The following PRR19 variants were observed in gnomAD, a reference collection of about 807,000 sequenced individuals.
PRR19 encodes proline-rich protein 19.
PRR19 carries 9 observed loss-of-function variants against 19.2 expected under a neutral mutation model. That is an observed-to-expected ratio of 0.47 (90% CI 0.28 to 0.82). The LOEUF (loss-of-function observed/expected upper bound fraction) is 0.82, where lower values mean the gene tolerates loss of function less well. Ranked by LOEUF, PRR19 falls within the 40% of genes least tolerant of loss-of-function variation. PRR19 has a pLI of 0.11. For synonymous variants in PRR19, 190 were observed against 191.0 expected (o/e 0.99, Z 0.04); for missense variants, 457 against 466.0 (o/e 0.98, Z 0.18).
In PRR19 at chr19:42,310,547, C is replaced by A; in HGVS notation, c.878C>A (p.Ala293Asp). 1.2e-6 allele frequency: 2 copies of A among 1,614,186 alleles called. No homozygotes were observed. The highest frequency in any genetic ancestry group is 3.3e-4 in the Middle Eastern group (2 of 6,062). ...FDLLKSIWLV[A>D]TPPPPRPWGV... ...TTGTTAAAAAGCATCTGGCTGGTAG[C>A]CACGCCACCCCCTCCTCGGCCCTGG... Residue 293 changes from alanine to aspartate, a missense_variant, in exon 3 of 3, where the codon GCC (alanine) becomes GAC (aspartate). Physicochemically the swap from Ala to Asp is moderately radical, Grantham distance 126. Transcript: ENST00000341747.
At chr19:42,306,094 T>C (rs1054315668) in intron 1 of PRR19, among the ~76,000 whole-genome samples, 3 of 152,182 alleles carry the variant, frequency 2.0e-5, no homozygotes, top group Non-Finnish European at 2.9e-5. Context: ...TGATCATGGC[T>C]CACTGCTGCC....
chr19:42,304,736 C>T (rs531093575), intron 1 of PRR19, among the ~76,000 whole-genome samples: 18 of 122,384 alleles, frequency 1.5e-4, no homozygotes, highest in Non-Finnish European at 2.2e-4. Flanking sequence ...GGAGACAGAG[C>T]GAGACGCCGT....
intron 1 of PRR19, among the ~76,000 whole-genome samples, chr19:42,307,378 C>T (rs995740371): frequency 4.6e-5 from 7 of 152,080 alleles, no homozygotes; most frequent in Admixed American, 1.3e-4. Context: ...ACTTTCTGGT[C>T]CCCCAAATCC....
At position 42,310,511 on chromosome 19, in the gene PRR19, C is replaced by T. The variant is rs2038781853; in HGVS notation, c.842C>T (p.Thr281Ile). 1 of 1,614,244 alleles carries T rather than the reference C, an allele frequency of 6.2e-7. No homozygotes were observed. Among genetic ancestry groups the T allele is most frequent in the Non-Finnish European group, 8.5e-7 (1 of 1,180,040 alleles). Reference sequence around the variant, plus strand: ...TCTGGAACAGCCTGGGGTCCCCCAACAGCGTTTGACTTGTTAAAAAGCATC... The same window carrying T: ...TCTGGAACAGCCTGGGGTCCCCCAATAGCGTTTGACTTGTTAAAAAGCATC... ...SPSGTAWGPP[T>I]AFDLLKSIWL... The change falls in exon 3 of 3, where the codon ACA becomes ATA. Residue 281 changes from threonine (T) to isoleucine (I), a missense_variant. Transcript: ENST00000341747.
chr19:42,304,231 A>C (rs1219901892), intron 1 of PRR19, among the ~76,000 whole-genome samples: 1 of 151,912 alleles, frequency 6.6e-6, no homozygotes, highest in Non-Finnish European at 1.5e-5. Context: ...CAGTGAGCTG[A>C]GATCGCGCCA....
intron 1 of PRR19, 53 bp downstream of exon 1, chr19:42,302,556 C>T: frequency 2.2e-6 from 1 of 460,194 alleles, no homozygotes; most frequent in Non-Finnish European, 3.9e-6. Context: ...ACAGTGGGCT[C>T]GCCCGGCGCT....
rs2038784136 is a variant in PRR19, at chr19:42,310,590, G to T, written c.921G>T (p.Gln307His). Residue 307 changes from glutamine (Q) to histidine (H), a missense_variant, in exon 3 of 3, where the codon CAG becomes CAT. Coordinates refer to ENST00000341747, the MANE Select transcript of PRR19 (RefSeq NM_199285.3). ...PPRPWGVGLP[Q>H]PLPQPSSPLL... Reference sequence around the variant, plus strand: ...GGCCCTGGGGGGTTGGCCTCCCTCAGCCCCTGCCTCAGCCTTCATCACCCC... The same window carrying T: ...GGCCCTGGGGGGTTGGCCTCCCTCATCCCCTGCCTCAGCCTTCATCACCCC... 1 of 1,614,046 alleles carries T rather than the reference G, an allele frequency of 6.2e-7. No homozygotes were observed. The highest frequency in any genetic ancestry group is 1.3e-5 in the African/African-American group (1 of 75,034).
intron 1 of PRR19, among the ~76,000 whole-genome samples, chr19:42,303,064 G>T (rs1001438251): frequency 5.2e-5 from 7 of 134,036 alleles, no homozygotes; most frequent in East Asian, 2.2e-4. Context: ...AAACACCGTG[G>T]GTGTGTGTGT....
chr19:42,308,020 G>A (rs1053541061), intron 1 of PRR19, among the ~76,000 whole-genome samples: 1 of 151,710 alleles, frequency 6.6e-6, no homozygotes, highest in African/African-American at 2.4e-5. Context: ...GCCTCCCAAA[G>A]TGCTGGGATT....
Position 42,309,590 on chromosome 19 carries a change from T to C in PRR19, c.6T>C (p.Asp2=). The C allele has an allele frequency of 6.6e-7, 1 of 1,519,346 alleles. No homozygotes were observed. The highest frequency in any genetic ancestry group is 8.8e-7 in the Non-Finnish European group (1 of 1,132,202). 94.1% of individuals were successfully genotyped at this position (1,519,346 alleles called of 1,614,324 possible). M[D]TQGPVSQPFQ... ...TCTTTATATTCCAGGACACCATGGATACCCAGGGACCAGTCTCCCAGCCTT... is the reference window on the plus strand; with the variant it reads ...TCTTTATATTCCAGGACACCATGGACACCCAGGGACCAGTCTCCCAGCCTT... The change falls in exon 2 of 3, where the codon GAT becomes GAC. Residue 2 remains aspartate, a synonymous_variant. Transcript: ENST00000341747.
Position 42,307,845 on chromosome 19 carries a change from C to T in PRR19, c.-6-1734C>T, listed in dbSNP as rs60808183. On this transcript the variant is annotated intron_variant, in intron 1 of 2. Transcript: ENST00000341747. ...CGATCTCGGCCCACTGCAAGCTCCG[C>T]CTCCTGGGTTCACGCCATTCTCCTG... 8.8e-3 allele frequency among the ~76,000 whole-genome samples: 1,318 copies of T among 150,138 alleles called. 21 individuals are homozygous for T. The highest frequency in any genetic ancestry group is 0.031 in the African/African-American group (1,264 of 40,646).
chr19:42,302,355 G>A lies in PRR19; in HGVS notation c.-155G>A. 1 of 1,529,462 alleles carries A rather than the reference G, an allele frequency of 6.5e-7. No homozygotes were observed. Among genetic ancestry groups the A allele is most frequent in the Non-Finnish European group, 8.8e-7 (1 of 1,133,302 alleles). 94.7% of individuals were successfully genotyped at this position (1,529,462 alleles called of 1,614,324 possible). A position where few individuals can be genotyped will look rare whatever the true frequency, so the allele number is the denominator to read the frequency against. ...AGGATGAGCGAGTCGGGTCGGCCCG[G>A]GAGTGTTCCGAACGGAGCTGGCTCC... On this transcript the variant is annotated 5_prime_UTR_variant, in exon 1 of 3. Coordinates refer to ENST00000341747, the MANE Select transcript of PRR19 (RefSeq NM_199285.3).
At chr19:42,307,720 C>A (rs555586896) in intron 1 of PRR19, among the ~76,000 whole-genome samples, 37 of 147,220 alleles carry the variant, frequency 2.5e-4, no homozygotes, top group African/African-American at 9.3e-4. Context: ...CAGGCGTGAG[C>A]CACTGCGCCT....
chr19:42,309,678 G>T lies in PRR19; in HGVS notation c.94G>T (p.Ala32Ser). ...RRKTRRERNK[A>S]LVGSRRPLAH... ...GAAGACTAGGCGGGAACGTAACAAG[G>T]CCCTGGTGGGCAGCCGCCGGCCATT... The change falls in exon 2 of 3, where the codon GCC becomes TCC. Residue 32 changes from alanine to serine, a missense_variant. By Grantham distance (99) the Ala-to-Ser change is moderately conservative (BLOSUM62 1). Transcript: ENST00000341747. 6.2e-7 allele frequency: 1 copy of T among 1,601,104 alleles called. No individual in the cohort carries two copies. The highest frequency in any genetic ancestry group is 8.5e-7 in the Non-Finnish European group (1 of 1,171,242).
intron 1 of PRR19, among the ~76,000 whole-genome samples, chr19:42,307,444 TG>T (rs1455438568): frequency 6.6e-6 from 1 of 151,902 alleles, no homozygotes; most frequent in Non-Finnish European, 1.5e-5. Flanking sequence ...TTGTTGTTGT[TG>T]TTGTTGTTGA....
intron 1 of PRR19, among the ~76,000 whole-genome samples, chr19:42,305,381 C>T (rs979022277): frequency 3.3e-5 from 5 of 151,108 alleles, no homozygotes; most frequent in African/African-American, 9.7e-5. Context: ...CAGGTTCAAG[C>T]GATTCTCCTG....
intron 1 of PRR19, chr19:42,306,878 C>T (rs1476274220): frequency 6.6e-6 from 1 of 152,218 alleles, no homozygotes; most frequent in Non-Finnish European, 1.5e-5. Context: ...TTCCCTGGCA[C>T]GCGCCGCTAG....
At chr19:42,302,582 T>A (rs944360818) in intron 1 of PRR19, 79 bp downstream of exon 1, 14 of 428,846 alleles carry the variant, frequency 3.3e-5, no homozygotes, top group Non-Finnish European at 5.9e-5. Flanking sequence ...CTCGGGCCGC[T>A]GACTCCCAGG....
intron 1 of PRR19, chr19:42,307,197 C>A (rs1465027266): frequency 6.6e-6 from 1 of 152,416 alleles, no homozygotes; most frequent in East Asian, 1.9e-4. Context: ...TGTGATCAGG[C>A]CCTGTCCCTG....
Sources: allele counts gnomAD v4.1 joint callset (sites outside exome capture counted in the v4.1 genomes callset), GRCh38; gene constraint gnomAD v4.1.1; transcripts MANE v1.5; gene names NCBI Gene and HGNC (gene_info 2026-07-23, HGNC 2026-07-21).